Variants in ADAR observed in about 807,000 individuals in gnomAD.
ADAR encodes double-stranded RNA-specific adenosine deaminase.
Under a neutral mutation model 113.2 loss-of-function variants are expected in ADAR, and 41 were observed. The observed-to-expected ratio is 0.36, with a 90% CI of 0.28 to 0.47. The LOEUF is 0.47. ADAR is among the 20% of genes least tolerant of loss of function. The probability of loss-of-function intolerance (pLI) is 1.00; values close to 1 mark genes in which losing one functional copy is unlikely to be tolerated. For missense variants in ADAR, 1,242 were observed against 1,540.9 expected (o/e 0.81, Z 3.25); for synonymous variants, 605 against 572.6 (o/e 1.06, Z -0.81).
In ADAR at chr1:154,601,350, C is replaced by G. The variant is rs746077792; in HGVS notation, c.1292G>C (p.Arg431Thr). 2 of 1,614,242 alleles carry G rather than the reference C, an allele frequency of 1.2e-6. No individual in the cohort carries two copies. The highest frequency in any genetic ancestry group is 1.6e-4 in the Middle Eastern group (1 of 6,062). ...ATTGTAATGAACAGGTGGTTTCAGT[C>G]TTGCTGGTTCTGGTCTGGCCTCTTG... ...NRQEARPEPA[R>T]LKPPVHYNGP... Residue 431 changes from arginine to threonine, a missense_variant, in exon 2 of 15, where the codon AGA (arginine) becomes ACA (threonine). Transcript: ENST00000368474. The surrounding 1 kb of genome is among the most constrained non-coding windows in gnomAD (Gnocchi z 4.7).
chr1:154,619,709 A>G (rs1698735997), intron 1 of ADAR, among the ~76,000 whole-genome samples: 1 of 152,240 alleles, frequency 6.6e-6, no homozygotes, highest in Non-Finnish European at 1.5e-5. Context: ...AGACATGTAA[A>G]TAACTGACTA....
chr1:154,599,279 T>C (rs1557883004), intron 2 of ADAR, among the ~76,000 whole-genome samples: 1 of 152,248 alleles, frequency 6.6e-6, no homozygotes, highest in Non-Finnish European at 1.5e-5. Flanking sequence ...TTGCTCAGTC[T>C]GGGATTTCAT....
At chr1:154,599,664 C>G (rs2101630849) in intron 2 of ADAR, among the ~76,000 whole-genome samples, 1 of 152,362 alleles carries the variant, frequency 6.6e-6, no homozygotes, top group Middle Eastern at 3.4e-3. Context: ...CCTACTGGCT[C>G]TTTCCCTGGC....
chr1:154,589,866 G>A lies in ADAR; in HGVS notation c.2559C>T (p.Asn853=), dbSNP rs1399773027. The change falls in exon 8 of 15, where the codon AAC becomes AAT. Residue 853 remains asparagine, a synonymous_variant. Transcript: ENST00000368474. ...QIAMLSHRCF[N]TLTNSFQPSL... The stretch of plus-strand genomic sequence containing the variant: ...AGGGCTGGAAGCTGTTAGTCAGAGT[G>A]TTGAAGCACCGGTGGCTCAGCATGG... The A allele has an allele frequency of 2.5e-6, 4 of 1,613,966 alleles. No homozygotes were observed. Among genetic ancestry groups the A allele is most frequent in the South Asian group, 1.1e-5 (1 of 91,088 alleles).
intron 6 of ADAR, 125 bp downstream of exon 6, chr1:154,596,680 G>A (rs1697516719): frequency 1.9e-6 from 2 of 1,055,936 alleles, no homozygotes; most frequent in South Asian, 2.7e-5. Context: ...TGGAGACAGG[G>A]CTGGACTTGT....
chr1:154,610,595 G>A (rs946973747), upstream of ADAR, among the ~76,000 whole-genome samples: 2 of 152,134 alleles, frequency 1.3e-5, no homozygotes, highest in African/African-American at 2.4e-5. Flanking sequence ...CGGATCACGA[G>A]GTCAGGGGAT....
At chr1:154,599,832 T>A (rs944737801) in intron 2 of ADAR, among the ~76,000 whole-genome samples, 45 of 152,298 alleles carry the variant, frequency 3.0e-4, no homozygotes, top group South Asian at 6.2e-4. Flanking sequence ...AGCTCAGGAG[T>A]GGCAGCAAGT....
At chr1:154,613,281 CTTTTTTTTTTT>C (rs56126079) in intron 1 of ADAR, among the ~76,000 whole-genome samples, 1 of 84,662 alleles carries the variant, frequency 1.2e-5, no homozygotes, top group African/African-American at 4.7e-5. Flanking sequence ...TCACAAATGG[CTTTTTTTTTTT>C]TTTTTTTTTT....
Position 154,602,195 on chromosome 1 carries a change from C to A in ADAR, c.447G>T (p.Glu149Asp), listed in dbSNP as rs752518154. The change falls in exon 2 of 15, where the codon GAG (glutamate) becomes GAT (aspartate). Residue 149 changes from glutamate to aspartate, a missense_variant. Physicochemically the swap from Glu to Asp is conservative, Grantham distance 45. Around this residue, in one of 2 missense-constraint regions of ADAR, gnomAD observed 462 missense variants for 483.1 expected, o/e 0.96. Transcript: ENST00000368474. ...QEQRILKFLE[E>D]LGEGKATTAH... ...CTGTGGTGGCCTTCCCTTCCCCAAG[C>A]TCTTCCAGGAACTTTAAGATCCTTT... is the stretch of plus-strand genomic sequence containing the variant. 2 of 1,614,070 alleles carry A rather than the reference C, an allele frequency of 1.2e-6. No homozygotes were observed. Among genetic ancestry groups the A allele is most frequent in the Non-Finnish European group, 1.7e-6 (2 of 1,180,018 alleles).
intron 1 of ADAR, among the ~76,000 whole-genome samples, chr1:154,624,455 C>G (rs1698880676): frequency 6.6e-6 from 1 of 152,176 alleles, no homozygotes; most frequent in Non-Finnish European, 1.5e-5. Flanking sequence ...GTGTAAGTCA[C>G]AGTCTATATG....
At chr1:154,616,572 A>G (rs186169059) in intron 1 of ADAR, among the ~76,000 whole-genome samples, 10 of 152,050 alleles carry the variant, frequency 6.6e-5, no homozygotes, top group Admixed American at 1.3e-4. Flanking sequence ...CTCCCATCGC[A>G]TGATTTCAAG....
intron 1 of ADAR, among the ~76,000 whole-genome samples, chr1:154,607,310 A>C (rs1386126806): frequency 6.6e-6 from 1 of 152,202 alleles, no homozygotes; most frequent in African/African-American, 2.4e-5. Context: ...ACTACTAAGC[A>C]GTATCCCATT....
intron 1 of ADAR, among the ~76,000 whole-genome samples, chr1:154,604,918 T>C (rs755303554): frequency 6.6e-4 from 101 of 152,214 alleles, no homozygotes; most frequent in Non-Finnish European, 1.1e-3. Flanking sequence ...CGACAGTCTG[T>C]CCACTTAAAT....
intron 6 of ADAR, among the ~76,000 whole-genome samples, chr1:154,593,969 C>T (rs529692477): frequency 6.6e-5 from 10 of 152,080 alleles, no homozygotes; most frequent in Non-Finnish European, 8.8e-5. Flanking sequence ...CTGCAACTTC[C>T]GCCTCCTGGG....
chr1:154,602,773 T>G, intron 1 of ADAR, 147 bp from the exon 2 acceptor site: 1 of 992,204 alleles, frequency 1.0e-6, no homozygotes, highest in Non-Finnish European at 1.5e-6. Context: ...CTAGGGTGAC[T>G]TGCCTACCTC....
At position 154,589,976 on chromosome 1, in the gene ADAR, C is replaced by T; in HGVS notation, c.2497-48G>A. On this transcript the variant is annotated intron_variant, in intron 7 of 14. Transcript: ENST00000368474. ...CAGCACCACAAAGCTGAGGCTGTGTCCACCATATTCACCGTGGGCAGGGAG... is the reference window on the plus strand; with the variant it reads ...CAGCACCACAAAGCTGAGGCTGTGTTCACCATATTCACCGTGGGCAGGGAG... The T allele has an allele frequency of 6.2e-7, 1 of 1,609,212 alleles. No individual in the cohort carries two copies. The highest frequency in any genetic ancestry group is 8.5e-7 in the Non-Finnish European group (1 of 1,177,096).
At chr1:154,612,702 T>A (rs1020095912), upstream of ADAR, among the ~76,000 whole-genome samples, 1 of 152,182 alleles carries the variant, frequency 6.6e-6, no homozygotes, top group African/African-American at 2.4e-5. Flanking sequence ...AATTCAGAGT[T>A]GCTAGGCACA....
intron 11 of ADAR, among the ~76,000 whole-genome samples, chr1:154,586,818 G>C (rs1320906995): frequency 6.6e-6 from 1 of 152,178 alleles, no homozygotes; most frequent in Non-Finnish European, 1.5e-5. Context: ...CGGATTGGCT[G>C]TTCAGGCGCC....
At chr1:154,599,683 CA>C (rs1199678387) in intron 2 of ADAR, among the ~76,000 whole-genome samples, 1 of 152,232 alleles carries the variant, frequency 6.6e-6, no homozygotes, top group Non-Finnish European at 1.5e-5. Context: ...GCTGCAGCTG[CA>C]GCCACTCAGC....
Sources: allele counts gnomAD v4.1 joint callset (sites outside exome capture counted in the v4.1 genomes callset), GRCh38; gene constraint gnomAD v4.1.1; regional missense constraint gnomAD v4.1.1; non-coding constraint Gnocchi (gnomAD v3.1); transcripts MANE v1.5; gene names NCBI Gene and HGNC (gene_info 2026-07-23, HGNC 2026-07-21).